ST6GALNAC6: variants seen among roughly 807,000 people sequenced by gnomAD.
The protein encoded by ST6GALNAC6 is alpha-N-acetylgalactosaminide alpha-2,6-sialyltransferase 6.
A neutral mutation model predicts 34.3 loss-of-function variants in ST6GALNAC6; 19 were observed. The ratio of observed to expected loss-of-function variants is 0.55; its 90% CI spans 0.39 to 0.81. The LOEUF (loss-of-function observed/expected upper bound fraction) is 0.81, where lower values mean the gene tolerates loss of function less well. ST6GALNAC6 is among the 40% of genes least tolerant of loss of function. The pLI is 0.00. For missense variants in ST6GALNAC6, 377 were observed against 467.7 expected, an observed-to-expected ratio of 0.81 and a Z score of 1.79; for synonymous variants, 185 against 182.1, an observed-to-expected ratio of 1.02 and a Z score of -0.13.
rs1321595020 is a variant in ST6GALNAC6 at position 127,899,448 on chromosome 9, AGCCCCCGCCTCC to A, written c.-30+43_-30+54del. 1.5e-4 allele frequency: 65 copies of A among 431,100 alleles called. 3 individuals are homozygous for A. The South Asian group carries it at 4.5e-3, about 30-fold the overall frequency. 26.7% of individuals were successfully genotyped at this position (431,100 alleles called of 1,614,324 possible). ...CTCCTCTCCCGGCGCCCTCCGCCCC[AGCCCCCGCCTCC>A]GCCCCCGCCCCCGCGGCCTGCTCCC... On this transcript the variant is annotated intron_variant, in intron 1 of 6. Transcript: ENST00000373146.
At position 127,896,334 on chromosome 9, in the gene ST6GALNAC6, T is replaced by C. The variant is rs1830453762; in HGVS notation, c.27-2A>G. The C allele has an allele frequency of 6.2e-7, 1 of 1,608,556 alleles. No individual in the cohort carries two copies. Among genetic ancestry groups the C allele is most frequent in the Non-Finnish European group, 8.5e-7 (1 of 1,177,274 alleles). ...GGGGGCAGGGATGTGGGTTCACACC[T>C]GCAAGCCACCAGAAAGGGTTATTAT... is the stretch of plus-strand genomic sequence containing the variant. On this transcript the variant is annotated splice_acceptor_variant, in intron 2 of 6. Transcript: ENST00000373146. LOFTEE classifies it high-confidence loss of function.
upstream of ST6GALNAC6, among the ~76,000 whole-genome samples, chr9:127,900,735 AG>A (rs1166377095): frequency 2.6e-5 from 4 of 151,372 alleles, no homozygotes; most frequent in African/African-American, 9.7e-5. Context: ...GTGGATCACC[AG>A]AGGTCAGGAG....
chr9:127,886,341 T>C lies in ST6GALNAC6; in HGVS notation c.*258A>G. The C allele has an allele frequency of 9.3e-7, 1 of 1,080,966 alleles. No homozygotes were observed. Among genetic ancestry groups the C allele is most frequent in the African/African-American group, 1.6e-5 (1 of 62,656 alleles). The allele number at this position is 1,080,966 out of a possible 1,614,324, so 67.0% of individuals were successfully genotyped here. On this transcript the variant is annotated 3_prime_UTR_variant, in exon 7 of 7. Transcript: ENST00000373146. ...CTCAGATTGACTCAGAAATACCCCC[T>C]CTACCCTGATTGACTGTGCGCAGAC...
chr9:127,894,516 T>C lies in ST6GALNAC6; in HGVS notation c.293A>G (p.Asn98Ser), dbSNP rs931836714. The C allele has an allele frequency of 5.6e-6, 9 of 1,613,720 alleles. No homozygotes were observed. The highest frequency in any genetic ancestry group is 1.3e-5 in the African/African-American group (1 of 74,924). ...ITDGYVPILG[N>S]KTLPSRCHQC... ...TCCCCAAAGCAGCTGCGCTACCTTG[T>C]TGCCGAGAATGGGGACATAGCCGTC... Residue 98 changes from asparagine to serine, a missense_variant, in exon 4 of 7, where the codon AAC becomes AGC. By Grantham distance (46) the Asn-to-Ser change is conservative (BLOSUM62 1). Transcript: ENST00000373146.
intron 2 of ST6GALNAC6, chr9:127,897,327 T>G (rs978497859): frequency 2.7e-5 from 27 of 985,708 alleles, no homozygotes; most frequent in Non-Finnish European, 3.1e-5. Flanking sequence ...CGTCCCCTGC[T>G]CCAGGGGCCT....
rs1588657565 is a variant in ST6GALNAC6 at position 127,897,777 on chromosome 9, T to C, written c.26+179A>G. On this transcript the variant is annotated intron_variant, in intron 2 of 6. Coordinates refer to ENST00000373146, the MANE Select transcript of ST6GALNAC6 (RefSeq NM_013443.5). ...CCAGCCGCCTATATCTTACTACGCG[T>C]GGCCACCCTTTCCTGCGGATGCCCC... 2.8e-6 allele frequency: 4 copies of C among 1,448,024 alleles called. No individual in the cohort carries two copies. The East Asian group carries it at 9.9e-5, about 36-fold the overall frequency. The allele number at this position is 1,448,024 out of a possible 1,614,324, so 89.7% of individuals were successfully genotyped here. A position where few individuals can be genotyped will look rare whatever the true frequency, so the allele number is the denominator to read the frequency against.
upstream of ST6GALNAC6, among the ~76,000 whole-genome samples, chr9:127,902,565 C>CATTATTATTATT (rs61633477): frequency 6.8e-5 from 10 of 147,072 alleles, no homozygotes; most frequent in African/African-American, 1.3e-4. Flanking sequence ...ATAATGGTCA[C>CATTATTATTATT]ATTATTATTA....
intron 2 of ST6GALNAC6, chr9:127,897,401 G>A (rs1830532738): frequency 1.0e-6 from 1 of 986,318 alleles, no homozygotes; most frequent in Admixed American, 6.1e-5. Flanking sequence ...CGGCCACCAG[G>A]AATAGCCAGA....
At chr9:127,891,513 A>T (rs1390894158) in intron 4 of ST6GALNAC6, among the ~76,000 whole-genome samples, 1 of 151,458 alleles carries the variant, frequency 6.6e-6, no homozygotes, top group East Asian at 1.9e-4. Flanking sequence ...GCTACTCGGG[A>T]GACTAAGGCA....
chr9:127,894,384 G>A, intron 4 of ST6GALNAC6, 128 bp downstream of exon 4: 1 of 1,197,596 alleles, frequency 8.4e-7, no homozygotes, highest in Non-Finnish European at 1.2e-6. Flanking sequence ...CACACAGCAA[G>A]CAGCAAGATG....
chr9:127,892,642 G>A (rs1830216659), intron 4 of ST6GALNAC6, among the ~76,000 whole-genome samples: 1 of 152,168 alleles, frequency 6.6e-6, no homozygotes, highest in Admixed American at 6.5e-5. Flanking sequence ...CTGCTAAGAT[G>A]TAGCTATAGT....
rs1055197992 is a variant in ST6GALNAC6 at position 127,896,323 on chromosome 9, G to A, written c.36C>T (p.Pro12=). 1 of 1,612,332 alleles carries A rather than the reference G, an allele frequency of 6.2e-7. No homozygotes were observed. The highest frequency in any genetic ancestry group is 8.5e-7 in the Non-Finnish European group (1 of 1,179,064). ...ACSRPPSQCE[P]TSLPPGPPAG... is the part of the protein sequence containing the mutation. ...CAGGTGGCCCTGGGGGCAGGGATGT[G>A]GGTTCACACCTGCAAGCCACCAGAA... Residue 12 remains proline (P), a synonymous_variant, in exon 3 of 7, where the codon CCC becomes CCT. Transcript: ENST00000373146.
upstream of ST6GALNAC6, chr9:127,905,371 C>T: frequency 1.0e-6 from 1 of 985,598 alleles, no homozygotes; most frequent in South Asian, 4.7e-5. Flanking sequence ...GTCACCACCC[C>T]CAGAAAGACA....
intron 4 of ST6GALNAC6, among the ~76,000 whole-genome samples, chr9:127,893,091 A>T (rs1830244914): frequency 6.6e-6 from 1 of 152,196 alleles, no homozygotes; most frequent in Non-Finnish European, 1.5e-5. Flanking sequence ...CGGCTGTAAC[A>T]GAGACGTCTC....
rs532579384 is a variant in ST6GALNAC6, at chr9:127,888,453, G to A, written c.705-862C>T. Among the ~76,000 whole-genome samples, 17 of 144,392 alleles carry A rather than the reference G, an allele frequency of 1.2e-4. No individual in the cohort carries two copies. In the East Asian group the frequency reaches 3.3e-3, roughly 28 times the overall value. The allele number at this position is 144,392 out of a possible 152,430, so 94.7% of individuals were successfully genotyped here. ...CAGGAGGTGGAAGTTGCAGTGAGCCGAGATCGCACCACTACACTCTAGCCT... is the reference window on the plus strand; with the variant it reads ...CAGGAGGTGGAAGTTGCAGTGAGCCAAGATCGCACCACTACACTCTAGCCT... On this transcript the variant is annotated intron_variant, in intron 5 of 6. Transcript: ENST00000373146.
intron 1 of ST6GALNAC6, 133 bp from the exon 2 acceptor site, chr9:127,898,143 C>A: frequency 1.6e-6 from 1 of 640,644 alleles, no homozygotes; most frequent in Non-Finnish European, 2.8e-6. Context: ...GTCTGTAATC[C>A]CAGCCCTTTG....
chr9:127,905,447 T>C, upstream of ST6GALNAC6: 1 of 985,510 alleles, frequency 1.0e-6, no homozygotes, highest in Non-Finnish European at 1.2e-6. Flanking sequence ...GAGGAGCCTC[T>C]GTGTCCTGGG....
chr9:127,893,645 C>T (rs1830278017), intron 4 of ST6GALNAC6, among the ~76,000 whole-genome samples: 1 of 152,234 alleles, frequency 6.6e-6, no homozygotes, highest in South Asian at 2.1e-4. Context: ...CACTGCAAGC[C>T]AGGCTCTGTC....
At chr9:127,893,805 G>C (rs535041505) in intron 4 of ST6GALNAC6, among the ~76,000 whole-genome samples, 1 of 152,174 alleles carries the variant, frequency 6.6e-6, no homozygotes, top group Non-Finnish European at 1.5e-5. Flanking sequence ...TCCAGAGCCC[G>C]GGCTCTACAC....
Sources: allele counts gnomAD v4.1 joint callset (sites outside exome capture counted in the v4.1 genomes callset), GRCh38; gene constraint gnomAD v4.1.1; transcripts MANE v1.5; gene names NCBI Gene and HGNC (gene_info 2026-07-23, HGNC 2026-07-21).